AKAP8L: variants seen among roughly 807,000 people sequenced by gnomAD.
AKAP8L encodes the protein A-kinase anchor protein 8-like.
A neutral mutation model predicts 77.5 loss-of-function variants in AKAP8L; 34 were observed. The observed-to-expected ratio is 0.44, with a 90% CI of 0.33 to 0.58. The LOEUF (loss-of-function observed/expected upper bound fraction) is 0.58. AKAP8L is among the 20% of genes least tolerant of loss of function. The probability of loss-of-function intolerance (pLI) is 0.02; values close to 1 mark genes in which losing one functional copy is unlikely to be tolerated. For synonymous variants in AKAP8L, 342 were observed against 340.7 expected, an observed-to-expected ratio of 1.00 and a Z score of -0.04; for missense variants, 806 against 887.6, an observed-to-expected ratio of 0.91 and a Z score of 1.17.
intron 2 of AKAP8L, 77 bp downstream of exon 2, chr19:15,410,443 G>T: frequency 1.5e-6 from 2 of 1,300,640 alleles, no homozygotes; most frequent in Non-Finnish European, 2.2e-6. Context: ...CAGGGTGACA[G>T]CAAAGCCAAA....
chr19:15,381,530 TG>T (rs941913175), intron 12 of AKAP8L, among the ~76,000 whole-genome samples: 2 of 152,182 alleles, frequency 1.3e-5, no homozygotes, highest in African/African-American at 4.8e-5. Context: ...ATATTTTTGG[TG>T]GGGTGGGAGA....
chr19:15,413,472 G>T (rs977885405), intron 1 of AKAP8L, among the ~76,000 whole-genome samples: 1 of 152,142 alleles, frequency 6.6e-6, no homozygotes, highest in Non-Finnish European at 1.5e-5. Context: ...CTTGAGGCAG[G>T]ATAAAACCGA....
At chr19:15,388,107 G>A (rs1047294514) in intron 12 of AKAP8L, among the ~76,000 whole-genome samples, 1 of 152,142 alleles carries the variant, frequency 6.6e-6, no homozygotes, top group Non-Finnish European at 1.5e-5. Context: ...TAACAGCTGA[G>A]TATGGTCTGG....
chr19:15,388,969 C>T lies in AKAP8L; in HGVS notation c.1536+8181G>A, dbSNP rs975428273. Among the ~76,000 whole-genome samples the T allele has an allele frequency of 4.0e-5, 6 of 150,236 alleles. No homozygotes were observed. The Admixed American group carries it at 4.0e-4, about 10-fold the overall frequency. ...GTGGCTCACGCCTATAATCCCAGCACTTAGGGAGGCCGAGGCAGGCGGATC... is the reference window on the plus strand; with the variant it reads ...GTGGCTCACGCCTATAATCCCAGCATTTAGGGAGGCCGAGGCAGGCGGATC... On this transcript the variant is annotated intron_variant, in intron 12 of 13. Coordinates refer to ENST00000397410, the MANE Select transcript of AKAP8L (RefSeq NM_014371.4).
intron 4 of AKAP8L, among the ~76,000 whole-genome samples, chr19:15,402,687 T>C (rs1205481635): frequency 6.6e-6 from 1 of 152,192 alleles, no homozygotes; most frequent in African/African-American, 2.4e-5. Context: ...AACTCCTTAC[T>C]CTTGGCTCTC....
intron 12 of AKAP8L, 25 bp from the exon 13 acceptor site, chr19:15,380,637 G>C (rs1336089470): frequency 6.2e-7 from 1 of 1,609,304 alleles, no homozygotes; most frequent in East Asian, 2.2e-5. Flanking sequence ...GAAGGAGCTG[G>C]AGAGGCTGCT....
In AKAP8L at chr19:15,401,695, G is replaced by A; in HGVS notation, c.363-92C>T. On this transcript the variant is annotated intron_variant, in intron 4 of 13. Coordinates refer to ENST00000397410, the MANE Select transcript of AKAP8L (RefSeq NM_014371.4). The surrounding 1 kb of genome is among the most constrained non-coding windows in gnomAD (Gnocchi z 6.2). ...CTGCCCTCCCCAATCTCCCAGTCCA[G>A]CACCCACCCTGCCCTGGTTGGGAGG... The A allele has an allele frequency of 9.8e-7, 1 of 1,023,070 alleles. No homozygotes were observed. Among genetic ancestry groups the A allele is most frequent in the East Asian group, 2.6e-5 (1 of 38,176 alleles). The allele number at this position is 1,023,070 out of a possible 1,614,324, so 63.4% of individuals were successfully genotyped here. A position where few individuals can be genotyped will look rare whatever the true frequency, so the allele number is the denominator to read the frequency against.
chr19:15,380,141 C>A lies in AKAP8L; in HGVS notation c.1922G>T (p.Gly641Val), dbSNP rs1967366734. 3.3e-6 allele frequency: 5 copies of A among 1,499,342 alleles called. No homozygotes were observed. The highest frequency in any genetic ancestry group is 4.4e-6 in the Non-Finnish European group (5 of 1,133,220). 92.9% of individuals were successfully genotyped at this position (1,499,342 alleles called of 1,614,324 possible). A position where few individuals can be genotyped will look rare whatever the true frequency, so the allele number is the denominator to read the frequency against. The change falls in exon 14 of 14, where the codon GGC becomes GTC. Residue 641 changes from glycine (G) to valine (V), a missense_variant. Physicochemically the swap from Gly to Val is moderately radical, Grantham distance 109. Transcript: ENST00000397410. ...PGLDVEDDEE[G>V]GGGAP ...CTCGGGTCACGGGGCGCCCCCGCCG[C>A]CCTCCTCGTCGTCCTCCACGTCGAG... is the stretch of plus-strand genomic sequence containing the variant.
intron 1 of AKAP8L, among the ~76,000 whole-genome samples, chr19:15,418,382 C>T (rs4809191): frequency 0.068 from 10,296 of 152,272 alleles, 474 homozygotes; most frequent in Non-Finnish European, 0.1. Flanking sequence ...CCAAACCCTT[C>T]CAATATTTAC....
At chr19:15,381,615 C>T (rs151229072) in intron 12 of AKAP8L, among the ~76,000 whole-genome samples, 76 of 152,126 alleles carry the variant, frequency 5.0e-4, no homozygotes, top group South Asian at 1.7e-3. Context: ...CTCTCTCCAT[C>T]TTCATTTTTT....
chr19:15,411,041 T>C (rs796230892), intron 1 of AKAP8L, among the ~76,000 whole-genome samples: 3 of 152,168 alleles, frequency 2.0e-5, no homozygotes, highest in South Asian at 2.1e-4. Flanking sequence ...CTTTAATTCC[T>C]AGGCTTAAGC....
At chr19:15,389,101 A>G (rs1182234789) in intron 12 of AKAP8L, among the ~76,000 whole-genome samples, 1 of 136,774 alleles carries the variant, frequency 7.3e-6, no homozygotes. Context: ...GTGGGCGCCT[A>G]TAGTCCCCAG....
Position 15,380,187 on chromosome 19 carries a change from G to A in AKAP8L, c.1876C>T (p.Gln626Ter). The A allele has an allele frequency of 6.6e-7, 1 of 1,507,062 alleles. No homozygotes were observed. Among genetic ancestry groups the A allele is most frequent in the Non-Finnish European group, 8.8e-7 (1 of 1,136,408 alleles). 93.4% of individuals were successfully genotyped at this position (1,507,062 alleles called of 1,614,324 possible). A position where few individuals can be genotyped will look rare whatever the true frequency, so the allele number is the denominator to read the frequency against. The part of the protein sequence containing the change: ...VPLLGGALQR[Q>*]IRGIPGLDVE... ...TCGAGGCCCGGGATGCCGCGGATCT[G>A]GCGTTGCAGCGCCCCTCCCAGCAAG... The change falls in exon 14 of 14, where the codon CAG becomes TAG. Residue 626 changes from glutamine (Q) to a stop codon, truncating the protein, a stop_gained. Transcript: ENST00000397410. LOFTEE classifies it high-confidence loss of function.
chr19:15,399,470 C>T lies in AKAP8L; in HGVS notation c.1049-60G>A, dbSNP rs1419712997. ...CTCTGCCAGGACAGGGCAGGCCCTG[C>T]GGCCTCTGGCTGAATCACCCACTGT... On this transcript the variant is annotated intron_variant, in intron 8 of 13. Transcript: ENST00000397410. This position sits in a 1 kb window ranked among gnomAD's most constrained non-coding sequence, Gnocchi z 6.1. The T allele has an allele frequency of 3.4e-5, 44 of 1,285,160 alleles. No homozygotes were observed. Among genetic ancestry groups the T allele is most frequent in the Admixed American group, 1.0e-4 (6 of 59,166 alleles). 79.6% of individuals were successfully genotyped at this position (1,285,160 alleles called of 1,614,324 possible).
Position 15,399,928 on chromosome 19 carries a change from C to A in AKAP8L, c.1048+367G>T. ...GATACGCACACCAGAGCCGTAAAAA[C>A]TGCACCGAGGGTCCCAGATCGGACA... On this transcript the variant is annotated intron_variant, in intron 8 of 13. Coordinates refer to ENST00000397410, the MANE Select transcript of AKAP8L (RefSeq NM_014371.4). This position sits in a 1 kb window ranked among gnomAD's most constrained non-coding sequence, Gnocchi z 6.1. 1 of 375,108 alleles carries A rather than the reference C, an allele frequency of 2.7e-6. No homozygotes were observed. The allele number at this position is 375,108 out of a possible 1,614,324, so 23.2% of individuals were successfully genotyped here. A position where few individuals can be genotyped will look rare whatever the true frequency, so the allele number is the denominator to read the frequency against.
At chr19:15,409,521 G>T (rs1194009325) in intron 2 of AKAP8L, among the ~76,000 whole-genome samples, 4 of 152,156 alleles carry the variant, frequency 2.6e-5, no homozygotes, top group Non-Finnish European at 4.4e-5. Context: ...AGGCATGTTA[G>T]CTGTGTAGGA....
chr19:15,397,135 A>C lies in AKAP8L; in HGVS notation c.1536+15T>G, dbSNP rs1320962748. The C allele has an allele frequency of 2.5e-6, 4 of 1,613,102 alleles. No homozygotes were observed. In the African/African-American group the frequency reaches 5.3e-5, roughly 22 times the overall value. ...TCTACCCACAGGACAGAGGGAGAGC[A>C]CTGTGGCCACTCACCCTGCGGTTCC... On this transcript the variant is annotated intron_variant, in intron 12 of 13. Transcript: ENST00000397410. The surrounding 1 kb of genome is among the most constrained non-coding windows in gnomAD (Gnocchi z 4.7).
At chr19:15,417,144 G>C (rs971929481) in intron 1 of AKAP8L, among the ~76,000 whole-genome samples, 3 of 151,966 alleles carry the variant, frequency 2.0e-5, no homozygotes, top group African/African-American at 7.3e-5. Context: ...TAGTGACCTT[G>C]TATCTCAGTT....
intron 7 of AKAP8L, 164 bp downstream of exon 7, chr19:15,400,630 A>G (rs1967873196): frequency 2.2e-6 from 2 of 900,138 alleles, no homozygotes; most frequent in Middle Eastern, 3.4e-4. Flanking sequence ...CTGTGCCTCC[A>G]GCTAGGCAGC....
Sources: gnomAD v4.1 joint callset for allele counts (sites outside exome capture counted in the v4.1 genomes callset) on GRCh38, gnomAD v4.1.1 for gene constraint, Gnocchi (gnomAD v3.1) non-coding constraint, MANE v1.5 for transcripts, NCBI Gene and HGNC (gene_info 2026-07-23, HGNC 2026-07-21) for gene names.